Variants in LTF observed in about 807,000 individuals in gnomAD.
The protein encoded by LTF is epididymis luminal protein 110.
LTF carries 91 observed loss-of-function variants against 87.2 expected under a neutral mutation model. The ratio of observed to expected loss-of-function variants is 1.04; its 90% CI spans 0.88 to 1.24. The LOEUF is 1.24. Ranked by LOEUF, LTF falls within the 50% of genes most tolerant of loss-of-function variation. The probability of loss-of-function intolerance (pLI) is 0.00; values close to 1 mark genes in which losing one functional copy is unlikely to be tolerated. For missense variants in LTF, 901 were observed against 904.3 expected (o/e 1.00, Z 0.05); for synonymous variants, 378 against 356.1 (o/e 1.06, Z -0.69).
chr3:46,473,571 T>A (rs1703320738), intron 1 of LTF, among the ~76,000 whole-genome samples: 1 of 152,264 alleles, frequency 6.6e-6, no homozygotes, highest in Non-Finnish European at 1.5e-5. Flanking sequence ...AATGTAGGGC[T>A]GTTTTCCCTC....
chr3:46,437,682 G>A (rs907655800), intron 16 of LTF, among the ~76,000 whole-genome samples: 4 of 151,948 alleles, frequency 2.6e-5, no homozygotes, highest in African/African-American at 7.3e-5. Context: ...TGAATAAAAT[G>A]GATTATCAGT....
chr3:46,446,266 C>T (rs1702651434), intron 11 of LTF, among the ~76,000 whole-genome samples, 174 bp downstream of exon 11: 1 of 152,048 alleles, frequency 6.6e-6, no homozygotes, highest in Non-Finnish European at 1.5e-5. Flanking sequence ...TCAATATAAA[C>T]ATTAATTAGA....
chr3:46,447,254 G>T, intron 10 of LTF, 54 bp downstream of exon 10: 2 of 1,272,308 alleles, frequency 1.6e-6, no homozygotes, highest in Non-Finnish European at 2.3e-6. Flanking sequence ...ATTACTCATA[G>T]CCCCACTCCC....
At chr3:46,444,475 CA>C (rs1702597233) in intron 12 of LTF, among the ~76,000 whole-genome samples, 2 of 152,154 alleles carry the variant, frequency 1.3e-5, no homozygotes, top group Non-Finnish European at 2.9e-5. Context: ...CCCCACTGAG[CA>C]AACGTCACCC....
chr3:46,464,997 C>T, upstream of LTF: 1 of 873,778 alleles, frequency 1.1e-6, no homozygotes. Context: ...TCCCCGCGGC[C>T]AGGTCTACTT....
chr3:46,460,662 TGA>T (rs1162874831), intron 1 of LTF: 2 of 448,932 alleles, frequency 4.5e-6, no homozygotes, highest in Non-Finnish European at 8.9e-6. Context: ...TCAGGAATGA[TGA>T]GAGAGTGTCC....
intron 1 of LTF, among the ~76,000 whole-genome samples, chr3:46,478,628 G>T (rs150805665): frequency 6.6e-6 from 1 of 152,332 alleles, no homozygotes; most frequent in African/African-American, 2.4e-5. Context: ...GAGGACAGAA[G>T]AGGGTAGGGC....
intron 11 of LTF, among the ~76,000 whole-genome samples, chr3:46,446,118 G>A (rs1404009609): frequency 6.6e-6 from 1 of 152,148 alleles, no homozygotes; most frequent in East Asian, 1.9e-4. Context: ...ACCTATGGCT[G>A]TGAGTGAGAT....
At chr3:46,440,141 C>T (rs1376230413) in intron 14 of LTF, among the ~76,000 whole-genome samples, 2 of 152,176 alleles carry the variant, frequency 1.3e-5, no homozygotes, top group Admixed American at 6.5e-5. Flanking sequence ...CTGAATTGTA[C>T]ACTTTGCATG....
chr3:46,439,546 T>C (rs1366812179), intron 14 of LTF, 66 bp from the exon 15 acceptor site: 5 of 1,444,040 alleles, frequency 3.5e-6, no homozygotes, highest in Non-Finnish European at 4.7e-6. Context: ...CTCTTCTGGG[T>C]GGGTGTGGCC....
Position 46,459,775 on chromosome 3 carries a change from C to A in LTF, c.88G>T (p.Val30Leu). 6.7e-7 allele frequency: 1 copy of A among 1,487,820 alleles called. No homozygotes were observed. The highest frequency in any genetic ancestry group is 8.8e-7 in the Non-Finnish European group (1 of 1,131,114). The allele number at this position is 1,487,820 out of a possible 1,614,324, so 92.2% of individuals were successfully genotyped here. A position where few individuals can be genotyped will look rare whatever the true frequency, so the allele number is the denominator to read the frequency against. The part of the protein sequence containing the change: ...GRRRSVQWCA[V>L]SQPEATKCFQ... ...CATTTTGTGGCCTCGGGTTGGGATA[C>A]GGCGCACCACTGAACACTCCTCCTA... Residue 30 changes from valine (V) to leucine (L), a missense_variant, in exon 2 of 17, where the codon GTA becomes TTA. Transcript: ENST00000231751.
intron 1 of LTF, among the ~76,000 whole-genome samples, chr3:46,474,783 T>C (rs1457576583): frequency 6.6e-6 from 1 of 152,146 alleles, no homozygotes; most frequent in Non-Finnish European, 1.5e-5. Flanking sequence ...AAACTAGAAA[T>C]CACTAGCAAA....
chr3:46,441,808 G>A (rs1214833217), intron 13 of LTF: 1 of 246,462 alleles, frequency 4.1e-6, no homozygotes, highest in Non-Finnish European at 7.8e-6. Flanking sequence ...TGTGCAGGCG[G>A]CCTACACAGC....
intron 2 of LTF, among the ~76,000 whole-genome samples, chr3:46,469,980 T>A (rs1431925662): frequency 1.3e-5 from 2 of 151,580 alleles, no homozygotes; most frequent in East Asian, 3.9e-4. Context: ...CACCTAACCC[T>A]CCTCCTCTGC....
intron 1 of LTF, 22 bp downstream of exon 1, chr3:46,464,803 G>C: frequency 6.2e-7 from 1 of 1,613,618 alleles, no homozygotes; most frequent in African/African-American, 1.3e-5. Flanking sequence ...GGCGGCTCGC[G>C]CCCCCAGGCA....
upstream of LTF, among the ~76,000 whole-genome samples, chr3:46,468,986 T>A (rs927657928): frequency 6.6e-6 from 1 of 152,206 alleles, no homozygotes; most frequent in Non-Finnish European, 1.5e-5. Context: ...ATTGGTGGCA[T>A]GCAGTGTCCA....
upstream of LTF, among the ~76,000 whole-genome samples, chr3:46,465,756 C>A (rs1400875427): frequency 6.6e-6 from 1 of 152,184 alleles, no homozygotes; most frequent in African/African-American, 2.4e-5. Context: ...GAATACATCT[C>A]GTAAATACAT....
At chr3:46,454,474 G>A in intron 5 of LTF, 114 bp from the exon 6 acceptor site, 3 of 952,604 alleles carry the variant, frequency 3.1e-6, no homozygotes, top group Non-Finnish European at 5.1e-6. Flanking sequence ...TGCAGGGCAG[G>A]GCTCTGAAGC....
intron 13 of LTF, 75 bp from the exon 14 acceptor site, chr3:46,441,558 G>GCATTC (rs879577690): frequency 9.2e-7 from 1 of 1,081,934 alleles, no homozygotes; most frequent in Non-Finnish European, 1.4e-6. Flanking sequence ...TTTGTAATAT[G>GCATTC]CATTCCAAAA....
Sources: allele counts gnomAD v4.1 joint callset (sites outside exome capture counted in the v4.1 genomes callset), GRCh38; gene constraint gnomAD v4.1.1; transcripts MANE v1.5; gene names NCBI Gene and HGNC (gene_info 2026-07-23, HGNC 2026-07-21).